Variants in DNAH14 observed in about 807,000 individuals in gnomAD.
DNAH14 encodes axonemal beta dynein heavy chain 14.
In DNAH14, 478 loss-of-function variants were observed where a neutral mutation model predicts 520.9. The ratio of observed to expected loss-of-function variants is 0.92; its 90% CI spans 0.85 to 0.99. The LOEUF is 0.99. Ranked by LOEUF, DNAH14 falls within the 50% of genes least tolerant of loss-of-function variation. The pLI is 0.00. For synonymous variants in DNAH14, 1,581 were observed against 1,757.2 expected (o/e 0.90, Z 2.51); for missense variants, 4,831 against 5,234.5 (o/e 0.92, Z 2.38).
intron 21 of DNAH14, among the ~76,000 whole-genome samples, chr1:225,090,881 A>G (rs560102796): frequency 1.3e-5 from 2 of 152,308 alleles, no homozygotes; most frequent in Admixed American, 1.3e-4. Context: ...ATTAGATTTC[A>G]TCAAAATTAA....
chr1:225,085,318 A>G (rs1481319308), intron 20 of DNAH14, among the ~76,000 whole-genome samples: 1 of 152,188 alleles, frequency 6.6e-6, no homozygotes, highest in Non-Finnish European at 1.5e-5. Flanking sequence ...AAAGTTGGAA[A>G]TTTTCACTGA....
intron 60 of DNAH14, among the ~76,000 whole-genome samples, chr1:225,316,938 G>A (rs1351818226): frequency 6.6e-6 from 1 of 152,150 alleles, no homozygotes; most frequent in African/African-American, 2.4e-5. Flanking sequence ...TTGATCAAAT[G>A]TGTTTTTCAT....
At chr1:225,061,551 A>G (rs2070115541) in intron 17 of DNAH14, among the ~76,000 whole-genome samples, 1 of 152,232 alleles carries the variant, frequency 6.6e-6, no homozygotes, top group African/African-American at 2.4e-5. Flanking sequence ...GCCCAGTGAG[A>G]TGAACCCAGT....
chr1:225,116,452 G>A (rs936480410), intron 23 of DNAH14, among the ~76,000 whole-genome samples: 8 of 152,160 alleles, frequency 5.3e-5, no homozygotes, highest in East Asian at 3.9e-4. Flanking sequence ...TGGAGCATCC[G>A]ATAGGAAGTA....
At chr1:225,092,016 A>C (rs2074442372) in intron 21 of DNAH14, among the ~76,000 whole-genome samples, 1 of 152,120 alleles carries the variant, frequency 6.6e-6, no homozygotes, top group South Asian at 2.1e-4. Flanking sequence ...TTCAACAAGA[A>C]GATCTAACTA....
chr1:225,057,371 T>C (rs1335026618), intron 17 of DNAH14, among the ~76,000 whole-genome samples: 1 of 152,218 alleles, frequency 6.6e-6, no homozygotes, highest in East Asian at 1.9e-4. Context: ...TTTTTGCACA[T>C]TGATTTTGTA....
At chr1:225,368,310 T>C (rs1198219693) in intron 77 of DNAH14, among the ~76,000 whole-genome samples, 1 of 152,180 alleles carries the variant, frequency 6.6e-6, no homozygotes, top group African/African-American at 2.4e-5. Context: ...GAAAGCAAAC[T>C]GAGGGAGACC....
chr1:225,241,524 T>C (rs1482076002), intron 43 of DNAH14, among the ~76,000 whole-genome samples: 3 of 152,164 alleles, frequency 2.0e-5, no homozygotes, highest in Admixed American at 6.6e-5. Flanking sequence ...CTGAGAAATG[T>C]GCTGTTGGGG....
chr1:225,094,394 A>G (rs1041928937), intron 21 of DNAH14, among the ~76,000 whole-genome samples: 13 of 151,974 alleles, frequency 8.6e-5, no homozygotes, highest in African/African-American at 2.2e-4. Context: ...TTTATATTCT[A>G]TGGAATAACT....
intron 18 of DNAH14, 47 bp downstream of exon 18, chr1:225,079,595 A>G: frequency 7.0e-7 from 1 of 1,419,766 alleles, no homozygotes. Flanking sequence ...TAAAAACTTG[A>G]TCTTAGTCTC....
chr1:225,393,721 T>C (rs2095954169), intron 84 of DNAH14, among the ~76,000 whole-genome samples: 2 of 152,218 alleles, frequency 1.3e-5, no homozygotes, highest in Non-Finnish European at 2.9e-5. Context: ...ACCAGTAATG[T>C]AGAAGATTGC....
chr1:225,062,457 C>A (rs1342887274), intron 17 of DNAH14, among the ~76,000 whole-genome samples: 1 of 151,852 alleles, frequency 6.6e-6, no homozygotes, highest in African/African-American at 2.4e-5. Context: ...TTTTGGACTG[C>A]AAATATGTAC....
chr1:224,974,265 C>A, intron 8 of DNAH14, 112 bp downstream of exon 8: 1 of 622,810 alleles, frequency 1.6e-6, no homozygotes, highest in Non-Finnish European at 2.5e-6. Context: ...AAGTCACATT[C>A]CATTGCTTTA....
chr1:225,196,699 G>A (rs1280948394), intron 38 of DNAH14, among the ~76,000 whole-genome samples: 1 of 152,010 alleles, frequency 6.6e-6, no homozygotes, highest in East Asian at 1.9e-4. Flanking sequence ...TTTTGATTAT[G>A]GCCATTCTTG....
At chr1:225,288,668 T>C (rs540043276) in intron 54 of DNAH14, among the ~76,000 whole-genome samples, 1 of 152,238 alleles carries the variant, frequency 6.6e-6, no homozygotes, top group African/African-American at 2.4e-5. Flanking sequence ...TTTGAATAGA[T>C]GTTTCACAAA....
intron 49 of DNAH14, among the ~76,000 whole-genome samples, chr1:225,268,670 C>G (rs2093207197): frequency 1.3e-5 from 2 of 152,146 alleles, no homozygotes; most frequent in Admixed American, 1.3e-4. Flanking sequence ...CACAAACATT[C>G]CTATACACCA....
intron 20 of DNAH14, among the ~76,000 whole-genome samples, chr1:225,084,363 C>T (rs1000586703): frequency 1.2e-4 from 18 of 152,044 alleles, no homozygotes; most frequent in African/African-American, 4.3e-4. Flanking sequence ...CAGGATTTGG[C>T]GCAGAAACTC....
intron 20 of DNAH14, among the ~76,000 whole-genome samples, chr1:225,084,210 T>A (rs1242135603): frequency 3.3e-5 from 5 of 152,116 alleles, no homozygotes. Flanking sequence ...CCCTTCTTCT[T>A]CTTGAAGATA....
chr1:225,057,123 A>G (rs190529630), intron 17 of DNAH14, among the ~76,000 whole-genome samples: 8 of 152,256 alleles, frequency 5.3e-5, no homozygotes, highest in South Asian at 2.1e-4. Context: ...TACCTTGGGC[A>G]GTATGCCCAT....
Sources: allele counts gnomAD v4.1 joint callset (sites outside exome capture counted in the v4.1 genomes callset), GRCh38; gene constraint gnomAD v4.1.1; transcripts MANE v1.5; gene names NCBI Gene and HGNC (gene_info 2026-07-23, HGNC 2026-07-21).